PPP3CC: variants seen among roughly 807,000 people sequenced by gnomAD.
PPP3CC encodes the protein protein phosphatase 3 catalytic subunit gamma, also known as serine/threonine-protein phosphatase 2B catalytic subunit gamma isoform.
A neutral mutation model predicts 60.3 loss-of-function variants in PPP3CC; 35 were observed. That is an observed-to-expected ratio of 0.58 (90% confidence interval 0.44 to 0.77). The LOEUF (loss-of-function observed/expected upper bound fraction) is 0.77, where lower values mean the gene tolerates loss of function less well. PPP3CC is among the 30% of genes least tolerant of loss of function. The pLI is 0.00. For synonymous variants in PPP3CC, 206 were observed against 224.3 expected, an observed-to-expected ratio of 0.92 and a Z score of 0.73; for missense variants, 570 against 628.9, an observed-to-expected ratio of 0.91 and a Z score of 1.00.
At chr8:22,453,390 A>T (rs976325146) in intron 1 of PPP3CC, among the ~76,000 whole-genome samples, 2 of 152,212 alleles carry the variant, frequency 1.3e-5, no homozygotes, top group Non-Finnish European at 2.9e-5. Flanking sequence ...ATGCATCCTT[A>T]GGCGATTTCA....
intron 3 of PPP3CC, among the ~76,000 whole-genome samples, chr8:22,495,236 A>G (rs1838531368): frequency 6.6e-6 from 1 of 152,194 alleles, no homozygotes; most frequent in South Asian, 2.1e-4. Flanking sequence ...TTTGTGAGCC[A>G]TTGTGCCCAG....
intron 10 of PPP3CC, among the ~76,000 whole-genome samples, chr8:22,531,734 T>G (rs1196540404): frequency 6.6e-6 from 1 of 152,244 alleles, no homozygotes; most frequent in East Asian, 1.9e-4. Flanking sequence ...GCTTATAGAA[T>G]GAAAGCAGCC....
rs981579875 is a variant in PPP3CC, at chr8:22,479,635, T to C, written c.372+4011T>C. Among the ~76,000 whole-genome samples, 5 of 151,148 alleles carry C rather than the reference T, an allele frequency of 3.3e-5. No homozygotes were observed. The East Asian group carries it at 9.7e-4, about 29-fold the overall frequency. ...GGTGGGCGCCTGTAATCTCAGCTAC[T>C]TGGGAGGCTGAGGCGGGAGAATGGC... On this transcript the variant is annotated intron_variant, in intron 3 of 13. Coordinates refer to ENST00000240139, the MANE Select transcript of PPP3CC (RefSeq NM_005605.5).
chr8:22,525,642 C>T (rs1029393104), intron 8 of PPP3CC, among the ~76,000 whole-genome samples: 3 of 151,590 alleles, frequency 2.0e-5, no homozygotes, highest in East Asian at 1.9e-4. Flanking sequence ...ACTGCAGCCT[C>T]GACTTCCTGG....
chr8:22,459,865 G>T (rs1379128944), intron 1 of PPP3CC, among the ~76,000 whole-genome samples: 1 of 152,056 alleles, frequency 6.6e-6, no homozygotes, highest in Non-Finnish European at 1.5e-5. Flanking sequence ...TTCTTAGATA[G>T]GTCATAGAAG....
At chr8:22,517,745 CT>C (rs1446732870) in intron 6 of PPP3CC, among the ~76,000 whole-genome samples, 2 of 151,894 alleles carry the variant, frequency 1.3e-5, no homozygotes. Flanking sequence ...TTGAGTATCT[CT>C]TTTTTTCTTA....
intron 1 of PPP3CC, among the ~76,000 whole-genome samples, chr8:22,452,033 T>TTTTA (rs1554527509): frequency 1.3e-5 from 2 of 151,272 alleles, no homozygotes; most frequent in Admixed American, 1.3e-4. Context: ...TTTTTTTTTT[T>TTTTA]AACAGTTTTA....
At chr8:22,455,263 A>T (rs1837162565) in intron 1 of PPP3CC, among the ~76,000 whole-genome samples, 2 of 152,194 alleles carry the variant, frequency 1.3e-5, no homozygotes, top group African/African-American at 4.8e-5. Context: ...GCGGTGTAGC[A>T]TATAATAGCC....
intron 3 of PPP3CC, among the ~76,000 whole-genome samples, chr8:22,493,871 C>G (rs1415538094): frequency 1.3e-5 from 2 of 152,114 alleles, no homozygotes; most frequent in African/African-American, 4.8e-5. Context: ...TTATTATTAT[C>G]AGGTATTATG....
chr8:22,467,581 G>A (rs180861661), intron 1 of PPP3CC, among the ~76,000 whole-genome samples: 7 of 152,016 alleles, frequency 4.6e-5, no homozygotes, highest in South Asian at 2.1e-4. Context: ...GCAAGCACGC[G>A]CCACCACACC....
intron 1 of PPP3CC, among the ~76,000 whole-genome samples, chr8:22,460,772 C>T (rs1344678462): frequency 6.6e-6 from 1 of 152,134 alleles, no homozygotes; most frequent in Non-Finnish European, 1.5e-5. Context: ...CATGATCAAG[C>T]AGCTGCACAC....
chr8:22,472,363 A>AACACACAC (rs71546810), intron 1 of PPP3CC, among the ~76,000 whole-genome samples: 11,951 of 125,566 alleles, frequency 0.095, 755 homozygotes, highest in East Asian at 0.18. Flanking sequence ...GGTAAAAATG[A>AACACACAC]ACACACACAC....
At chr8:22,527,635 A>ATTTTT in intron 9 of PPP3CC, 118 bp downstream of exon 9, 1 of 928,854 alleles carries the variant, frequency 1.1e-6, no homozygotes, top group Admixed American at 3.0e-5. Context: ...CTCTACATAG[A>ATTTTT]TTTTTTTTTT....
At chr8:22,536,674 T>C (rs1185504567) in intron 12 of PPP3CC, among the ~76,000 whole-genome samples, 3 of 152,182 alleles carry the variant, frequency 2.0e-5, no homozygotes, top group Non-Finnish European at 4.4e-5. Flanking sequence ...GAGTTTCTTA[T>C]TCTTATTGAT....
At chr8:22,497,761 G>T (rs1838633574) in intron 3 of PPP3CC, among the ~76,000 whole-genome samples, 1 of 152,164 alleles carries the variant, frequency 6.6e-6, no homozygotes. Context: ...ATATATGTGT[G>T]AGTGGCTGAG....
chr8:22,481,996 C>T (rs1389050817), intron 3 of PPP3CC, among the ~76,000 whole-genome samples: 1 of 152,120 alleles, frequency 6.6e-6, no homozygotes, highest in Non-Finnish European at 1.5e-5. Flanking sequence ...AGTAGACATA[C>T]GTGTGCATGT....
intron 11 of PPP3CC, 89 bp from the exon 12 acceptor site, chr8:22,532,832 T>G: frequency 1.2e-6 from 1 of 864,272 alleles, no homozygotes; most frequent in Non-Finnish European, 1.7e-6. Context: ...CTTCCATCTC[T>G]GCTGTCTTTC....
At chr8:22,486,644 A>G (rs1838231537) in intron 3 of PPP3CC, among the ~76,000 whole-genome samples, 1 of 152,146 alleles carries the variant, frequency 6.6e-6, no homozygotes, top group Non-Finnish European at 1.5e-5. Flanking sequence ...TCACAGAGGT[A>G]CAGAGGGCTT....
chr8:22,473,833 T>C (rs894076562), intron 1 of PPP3CC, among the ~76,000 whole-genome samples: 7 of 152,190 alleles, frequency 4.6e-5, no homozygotes, highest in African/African-American at 1.7e-4. Flanking sequence ...ATCTTGGTAG[T>C]AGTGTTCTTG....
Sources: allele counts gnomAD v4.1 joint callset (sites outside exome capture counted in the v4.1 genomes callset), GRCh38; gene constraint gnomAD v4.1.1; transcripts MANE v1.5; gene names NCBI Gene and HGNC (gene_info 2026-07-23, HGNC 2026-07-21).